Variants in PTPRD observed in about 807,000 individuals in gnomAD.
The protein encoded by PTPRD is receptor-type tyrosine-protein phosphatase delta.
PTPRD carries 34 observed loss-of-function variants against 214.5 expected under a neutral mutation model. That is an observed-to-expected ratio of 0.16 (90% CI 0.12 to 0.21). The LOEUF (loss-of-function observed/expected upper bound fraction) is 0.21. Ranked by LOEUF, PTPRD falls within the 10% of genes least tolerant of loss-of-function variation. The pLI is 1.00. For missense variants in PTPRD, 2,545 were observed against 2,398.7 expected, an observed-to-expected ratio of 1.06 and a Z score of -1.27; for synonymous variants, 1,128 against 845.7, an observed-to-expected ratio of 1.33 and a Z score of -5.79.
At chr9:8,830,274 T>C (rs1407119809) in intron 11 of PTPRD, among the ~76,000 whole-genome samples, 1 of 152,150 alleles carries the variant, frequency 6.6e-6, no homozygotes, top group Non-Finnish European at 1.5e-5. Flanking sequence ...CTTAAGTGTT[T>C]TGTTTTACCC....
intron 11 of PTPRD, among the ~76,000 whole-genome samples, chr9:9,007,946 A>T: frequency 2.6e-5 from 1 of 37,740 alleles, no homozygotes; most frequent in Non-Finnish European, 8.0e-5. Flanking sequence ...ATTATACTTT[A>T]AGTTTTAGGG....
At chr9:10,468,392 A>G (rs2099008396) in intron 2 of PTPRD, among the ~76,000 whole-genome samples, 1 of 152,146 alleles carries the variant, frequency 6.6e-6, no homozygotes, top group South Asian at 2.1e-4. Flanking sequence ...CAGCAAACTG[A>G]CACAGGAATA....
intron 9 of PTPRD, among the ~76,000 whole-genome samples, chr9:9,301,183 A>G (rs1955151728): frequency 6.6e-6 from 1 of 151,902 alleles, no homozygotes; most frequent in African/African-American, 2.4e-5. Flanking sequence ...TACATATATG[A>G]TTAGAACTAT....
intron 12 of PTPRD, among the ~76,000 whole-genome samples, chr9:8,681,816 T>A (rs10116693): frequency 0.022 from 3,341 of 152,330 alleles, 67 homozygotes; most frequent in African/African-American, 0.047. Flanking sequence ...AAAAAGCAAC[T>A]ACAGCAATAA....
At chr9:10,284,263 A>G (rs2095263286) in intron 3 of PTPRD, among the ~76,000 whole-genome samples, 1 of 152,186 alleles carries the variant, frequency 6.6e-6, no homozygotes, top group Admixed American at 6.5e-5. Context: ...AAAATCTCTG[A>G]TGCAAATGGT....
At chr9:9,789,160 G>C (rs2098948589) in intron 5 of PTPRD, among the ~76,000 whole-genome samples, 2 of 152,178 alleles carry the variant, frequency 1.3e-5, no homozygotes, top group Admixed American at 6.5e-5. Flanking sequence ...ATTTATATTT[G>C]TATGCCTATA....
intron 4 of PTPRD, among the ~76,000 whole-genome samples, chr9:9,978,041 C>G (rs1158586259): frequency 1.3e-5 from 2 of 151,824 alleles, no homozygotes; most frequent in Non-Finnish European, 2.9e-5. Context: ...CAAAGTATAA[C>G]TTTTCTCAAG....
chr9:8,376,639 T>G lies in PTPRD; in HGVS notation c.4474A>C (p.Thr1492Pro). 1 of 1,613,028 alleles carries G rather than the reference T, an allele frequency of 6.2e-7. No homozygotes were observed. Among genetic ancestry groups the G allele is most frequent in the Non-Finnish European group, 8.5e-7 (1 of 1,179,302 alleles). Reference sequence around the variant, plus strand: ...AGTGCAAATGTTCGAACACAATATGTGGCCAGCTCCACAGTATCAAGCAGC... The same window carrying G: ...AGTGCAAATGTTCGAACACAATATGGGGCCAGCTCCACAGTATCAAGCAGC... ...VTLLDTVELA[T>P]YCVRTFALYK... is the part of the protein sequence containing the mutation. Residue 1492 changes from threonine (T) to proline (P), a missense_variant, in exon 38 of 46, where the codon ACA (threonine) becomes CCA (proline). Thr to Pro is a conservative substitution (Grantham distance 38). Coordinates refer to ENST00000381196, the MANE Select transcript of PTPRD (RefSeq NM_002839.4).
chr9:8,695,920 G>A (rs1340597468), intron 12 of PTPRD, among the ~76,000 whole-genome samples: 1 of 152,158 alleles, frequency 6.6e-6, no homozygotes, highest in African/African-American at 2.4e-5. Context: ...AGATTATCTT[G>A]TTGGACTTTT....
intron 11 of PTPRD, among the ~76,000 whole-genome samples, chr9:8,908,795 AAGC>A (rs2098726074): frequency 6.6e-6 from 1 of 151,540 alleles, no homozygotes; most frequent in African/African-American, 2.4e-5. Context: ...TATTCTTTGG[AAGC>A]AGTAAGAAAA....
At chr9:9,090,408 G>A (rs748888023) in intron 10 of PTPRD, among the ~76,000 whole-genome samples, 7 of 152,128 alleles carry the variant, frequency 4.6e-5, no homozygotes, top group Admixed American at 2.0e-4. Context: ...TTTGATGGTT[G>A]AAGATTATTG....
intron 3 of PTPRD, among the ~76,000 whole-genome samples, chr9:10,306,342 G>A (rs2096068832): frequency 6.6e-6 from 1 of 151,892 alleles, no homozygotes. Flanking sequence ...GTTGATTGGT[G>A]TTGCAAACCA....
chr9:8,760,301 T>C (rs1295300149), intron 11 of PTPRD, among the ~76,000 whole-genome samples: 2 of 152,212 alleles, frequency 1.3e-5, no homozygotes, highest in African/African-American at 2.4e-5. Flanking sequence ...TCAGCTTTTT[T>C]CCTTATTATA....
chr9:9,489,996 T>C (rs1178032762), intron 8 of PTPRD, among the ~76,000 whole-genome samples: 1 of 151,974 alleles, frequency 6.6e-6, no homozygotes, highest in Non-Finnish European at 1.5e-5. Context: ...GAGAAAATCT[T>C]AAAAGGAGCA....
chr9:9,376,742 C>G (rs778237153), intron 9 of PTPRD, among the ~76,000 whole-genome samples: 7 of 152,058 alleles, frequency 4.6e-5, no homozygotes, highest in Non-Finnish European at 1.0e-4. Context: ...CCCCTCGGGT[C>G]TCTTATTATA....
intron 3 of PTPRD, among the ~76,000 whole-genome samples, chr9:10,145,334 C>T (rs1291706066): frequency 6.6e-6 from 1 of 152,056 alleles, no homozygotes; most frequent in Non-Finnish European, 1.5e-5. Flanking sequence ...CTTCTTCTGC[C>T]TCCGCCACCC....
intron 11 of PTPRD, among the ~76,000 whole-genome samples, chr9:8,835,458 G>A (rs2097397591): frequency 6.6e-6 from 1 of 152,204 alleles, no homozygotes; most frequent in Non-Finnish European, 1.5e-5. Flanking sequence ...AAGCAACAGT[G>A]ATTCAACCTC....
At chr9:9,200,581 G>T (rs113838912) in intron 9 of PTPRD, among the ~76,000 whole-genome samples, 1 of 152,150 alleles carries the variant, frequency 6.6e-6, no homozygotes, top group Non-Finnish European at 1.5e-5. Flanking sequence ...TTTGCCTAAG[G>T]TAACACAGGA....
intron 2 of PTPRD, among the ~76,000 whole-genome samples, chr9:10,446,811 G>C (rs997254925): frequency 2.0e-5 from 3 of 152,090 alleles, no homozygotes; most frequent in Admixed American, 6.6e-5. Context: ...TCCATGAAGA[G>C]AGTGATGACT....
Sources: allele counts gnomAD v4.1 joint callset (sites outside exome capture counted in the v4.1 genomes callset), GRCh38; gene constraint gnomAD v4.1.1; transcripts MANE v1.5; gene names NCBI Gene and HGNC (gene_info 2026-07-23, HGNC 2026-07-21).